CDK5RAP1: variants seen among roughly 807,000 people sequenced by gnomAD.
The protein encoded by CDK5RAP1 is mitochondrial tRNA methylthiotransferase CDK5RAP1.
In CDK5RAP1, 62 loss-of-function variants were observed where a neutral mutation model predicts 64.5. That is an observed-to-expected ratio of 0.96 (90% CI 0.78 to 1.19). The LOEUF (loss-of-function observed/expected upper bound fraction) is 1.19. Among genes scored for constraint, CDK5RAP1 ranks in the 50% most tolerant of loss-of-function variants. The pLI is 0.00. For synonymous variants in CDK5RAP1, 250 were observed against 261.9 expected (o/e 0.95, Z 0.44); for missense variants, 657 against 735.0 (o/e 0.89, Z 1.23).
chr20:33,361,405 C>T (rs1256074018), intron 12 of CDK5RAP1, among the ~76,000 whole-genome samples: 2 of 152,164 alleles, frequency 1.3e-5, no homozygotes, highest in Non-Finnish European at 1.5e-5. Context: ...TCACTGAACA[C>T]TAACACTTGC....
intron 7 of CDK5RAP1, among the ~76,000 whole-genome samples, chr20:33,385,444 C>A (rs1331792382): frequency 1.3e-5 from 2 of 152,176 alleles, no homozygotes; most frequent in Non-Finnish European, 2.9e-5. Context: ...TAATCTCATG[C>A]CCTCTCCATC....
intron 1 of CDK5RAP1, among the ~76,000 whole-genome samples, chr20:33,398,423 G>A (rs1989097502): frequency 1.3e-5 from 2 of 152,192 alleles, no homozygotes; most frequent in Non-Finnish European, 1.5e-5. Context: ...GAGCTCAGGA[G>A]GAGAAGGTTG....
chr20:33,389,979 A>G (rs1988118814), intron 5 of CDK5RAP1, among the ~76,000 whole-genome samples: 1 of 150,254 alleles, frequency 6.7e-6, no homozygotes, highest in Admixed American at 6.6e-5. Context: ...TCAGCCTTAT[A>G]AAGGAAGGAA....
chr20:33,371,224 G>C (rs1984963760), intron 10 of CDK5RAP1, among the ~76,000 whole-genome samples: 1 of 152,152 alleles, frequency 6.6e-6, no homozygotes, highest in Non-Finnish European at 1.5e-5. Context: ...GCCCAGGGAG[G>C]TCAAGGCTGC....
chr20:33,365,590 T>C (rs1983761376), intron 12 of CDK5RAP1, among the ~76,000 whole-genome samples: 2 of 122,194 alleles, frequency 1.6e-5, no homozygotes, highest in Non-Finnish European at 3.3e-5. Flanking sequence ...TAAAATTCTC[T>C]ATAATGTAAA....
intron 12 of CDK5RAP1, among the ~76,000 whole-genome samples, chr20:33,361,549 T>TA (rs1208090853): frequency 5.3e-5 from 8 of 152,182 alleles, no homozygotes; most frequent in African/African-American, 1.4e-4. Context: ...GTCACAGTCA[T>TA]AAGTTCTTGG....
intron 7 of CDK5RAP1, among the ~76,000 whole-genome samples, chr20:33,380,779 G>T (rs923022675): frequency 1.3e-5 from 2 of 152,076 alleles, no homozygotes; most frequent in African/African-American, 4.8e-5. Context: ...CAAGGTGGGC[G>T]GATCACACGG....
chr20:33,375,278 T>A (rs980324871), intron 8 of CDK5RAP1, among the ~76,000 whole-genome samples: 1 of 151,356 alleles, frequency 6.6e-6, no homozygotes, highest in Non-Finnish European at 1.5e-5. Context: ...GGTGTGCACC[T>A]GTAATCCCAG....
At chr20:33,360,288 C>A in intron 13 of CDK5RAP1, 63 bp downstream of exon 13, 1 of 1,526,272 alleles carries the variant, frequency 6.6e-7, no homozygotes, top group South Asian at 1.2e-5. Context: ...ACTTTATTAC[C>A]ACAAATATCC....
intron 7 of CDK5RAP1, among the ~76,000 whole-genome samples, chr20:33,384,187 A>G (rs1221664776): frequency 1.3e-5 from 2 of 152,236 alleles, no homozygotes; most frequent in African/African-American, 2.4e-5. Context: ...AAATCTTTAA[A>G]AATTACTAAA....
Position 33,379,711 on chromosome 20 carries a change from T to G in CDK5RAP1, c.877-20A>C, listed in dbSNP as rs747644986. ...CAGCCCCTAAACATGGGAAAATATATTGGAATTTTAAAACTTTTGGGTAGC... is the reference window on the plus strand; with the variant it reads ...CAGCCCCTAAACATGGGAAAATATAGTGGAATTTTAAAACTTTTGGGTAGC... On this transcript the variant is annotated intron_variant, in intron 7 of 13. Transcript: ENST00000346416. 4.5e-6 allele frequency: 7 copies of G among 1,566,248 alleles called. No individual in the cohort carries two copies. The highest frequency in any genetic ancestry group is 6.1e-6 in the Non-Finnish European group (7 of 1,142,954).
rs1003291461 is a variant in CDK5RAP1, at chr20:33,401,450, C to T, written c.-43G>A. On this transcript the variant is annotated 5_prime_UTR_variant, in exon 1 of 14. Transcript: ENST00000346416. ...CACCTCCCGCAGCAGCAACAGTGCC[C>T]GGGGTCCCGCAGCGTAAGTTCTGCC... 7.1e-6 allele frequency: 7 copies of T among 985,492 alleles called. No individual in the cohort carries two copies. The African/African-American group carries it at 1.0e-4, about 15-fold the overall frequency. The allele number at this position is 985,492 out of a possible 1,614,324, so 61.0% of individuals were successfully genotyped here. A position where few individuals can be genotyped will look rare whatever the true frequency, so the allele number is the denominator to read the frequency against.
Position 33,391,252 on chromosome 20 carries a change from A to C in CDK5RAP1, c.544+890T>G, listed in dbSNP as rs1052731855. ...CAACAGTGTGAGACTCTGTTTTTAAAAAAAAAAAAAAAAAAAAAAAGGATG... is the reference window on the plus strand; with the variant it reads ...CAACAGTGTGAGACTCTGTTTTTAACAAAAAAAAAAAAAAAAAAAAGGATG... On this transcript the variant is annotated intron_variant, in intron 5 of 13. Transcript: ENST00000346416. Among the ~76,000 whole-genome samples the C allele has an allele frequency of 4.7e-5, 7 of 149,580 alleles. No individual in the cohort carries two copies. In the East Asian group the frequency reaches 1.4e-3, roughly 29 times the overall value.
At chr20:33,400,678 G>C (rs1005719733) in intron 1 of CDK5RAP1, among the ~76,000 whole-genome samples, 4 of 152,086 alleles carry the variant, frequency 2.6e-5, no homozygotes, top group African/African-American at 9.7e-5. Context: ...AGCCGGGTGT[G>C]GTGGTATGCG....
chr20:33,401,423 C>T lies in CDK5RAP1; in HGVS notation c.-21+5G>A. The T allele has an allele frequency of 1.0e-6, 1 of 985,522 alleles. No individual in the cohort carries two copies. The highest frequency in any genetic ancestry group is 1.2e-6 in the Non-Finnish European group (1 of 829,968). 61.0% of individuals were successfully genotyped at this position (985,522 alleles called of 1,614,324 possible). On this transcript the variant is annotated splice_donor_5th_base_variant and intron_variant, in intron 1 of 13. Transcript: ENST00000346416. ...GCAGCCCACCCCGGCGGCCGCGCTG[C>T]TCACCTCCCGCAGCAGCAACAGTGC...
chr20:33,359,302 C>T (rs1680486752), intron 13 of CDK5RAP1, 179 bp from the exon 14 acceptor site: 5 of 588,480 alleles, frequency 8.5e-6, no homozygotes, highest in Non-Finnish European at 3.0e-6. Flanking sequence ...CATGGAATGG[C>T]AATGGATATA....
Position 33,396,650 on chromosome 20 carries a change from CT to C in CDK5RAP1, c.304+110del, listed in dbSNP as rs2146727063. 4 of 804,952 alleles carry C rather than the reference CT, an allele frequency of 5.0e-6. No homozygotes were observed. The South Asian group carries it at 6.6e-5, about 13-fold the overall frequency. 49.9% of individuals were successfully genotyped at this position (804,952 alleles called of 1,614,324 possible). A position where few individuals can be genotyped will look rare whatever the true frequency, so the allele number is the denominator to read the frequency against. On this transcript the variant is annotated intron_variant, in intron 2 of 13. Transcript: ENST00000346416. ...GGTGGAGTCTAATGATTCCCACAGCCTTCCCACACTGTTAACCTTCCAAGCC... is the reference window on the plus strand; with the variant it reads ...GGTGGAGTCTAATGATTCCCACAGCCTCCCACACTGTTAACCTTCCAAGCC...
intron 5 of CDK5RAP1, among the ~76,000 whole-genome samples, chr20:33,389,527 A>C (rs1340780891): frequency 6.8e-6 from 1 of 146,722 alleles, no homozygotes; most frequent in Non-Finnish European, 1.5e-5. Flanking sequence ...CCGACCCGTC[A>C]GGGAGGGAGG....
intron 6 of CDK5RAP1, 146 bp downstream of exon 6, chr20:33,387,177 G>C (rs1349426341): frequency 1.6e-6 from 1 of 630,004 alleles, no homozygotes; most frequent in Non-Finnish European, 2.8e-6. Context: ...TAAAGCAAGA[G>C]CCCAGGAGGT....
Sources: gnomAD v4.1 joint callset for allele counts (sites outside exome capture counted in the v4.1 genomes callset) on GRCh38, gnomAD v4.1.1 for gene constraint, MANE v1.5 for transcripts, NCBI Gene and HGNC (gene_info 2026-07-23, HGNC 2026-07-21) for gene names.